TJP2: variants seen among roughly 807,000 people sequenced by gnomAD.
TJP2 encodes Friedreich ataxia region gene X104 (tight junction protein ZO-2).
Under a neutral mutation model 133.1 loss-of-function variants are expected in TJP2, and 91 were observed. The ratio of observed to expected loss-of-function variants is 0.68; its 90% CI spans 0.58 to 0.81. TJP2 has a LOEUF of 0.81. TJP2 is among the 40% of genes least tolerant of loss of function. The pLI is 0.00. For missense variants in TJP2, 1,541 were observed against 1,565.6 expected, an observed-to-expected ratio of 0.98 and a Z score of 0.26; for synonymous variants, 592 against 583.4, an observed-to-expected ratio of 1.01 and a Z score of -0.21.
At chr9:69,249,786 G>A in intron 20 of TJP2, 1 of 978,612 alleles carries the variant, frequency 1.0e-6, no homozygotes. Flanking sequence ...ATACTGTACT[G>A]TATACCCAGA....
intron 1 of TJP2, among the ~76,000 whole-genome samples, chr9:69,186,476 G>A (rs12685829): frequency 0.066 from 10,104 of 152,278 alleles, 448 homozygotes; most frequent in East Asian, 0.22. Flanking sequence ...GTAAATGAAT[G>A]TGCTAGAAAT....
intron 12 of TJP2, among the ~76,000 whole-genome samples, chr9:69,235,501 T>C (rs1830119232): frequency 6.6e-6 from 1 of 151,760 alleles, no homozygotes; most frequent in Admixed American, 6.6e-5. Context: ...TTTTTGTATT[T>C]TTAGTAGAGA....
At chr9:69,183,671 A>C (rs979133253) in intron 1 of TJP2, among the ~76,000 whole-genome samples, 2 of 152,156 alleles carry the variant, frequency 1.3e-5, no homozygotes, top group Admixed American at 6.6e-5. Flanking sequence ...GGACATGTAC[A>C]CCCATTTCTC....
intron 2 of TJP2, among the ~76,000 whole-genome samples, chr9:69,164,979 A>G (rs888461667): frequency 6.6e-6 from 1 of 152,118 alleles, no homozygotes; most frequent in Non-Finnish European, 1.5e-5. Flanking sequence ...ACAGGCGCCC[A>G]TCATTACGCC....
chr9:69,241,819 A>G (rs188781462), intron 17 of TJP2, among the ~76,000 whole-genome samples: 75 of 152,274 alleles, frequency 4.9e-4, no homozygotes, highest in African/African-American at 1.5e-3. Flanking sequence ...CCCAGACTAA[A>G]CTATAGCGTC....
chr9:69,131,339 C>T (rs1304684484), intron 1 of TJP2, among the ~76,000 whole-genome samples: 1 of 152,120 alleles, frequency 6.6e-6, no homozygotes, highest in East Asian at 1.9e-4. Context: ...TTTTGACAGT[C>T]CACGTTGTGA....
chr9:69,252,703 T>TG, intron 21 of TJP2, 112 bp from the exon 22 acceptor site: 1 of 1,006,640 alleles, frequency 9.9e-7, no homozygotes, highest in East Asian at 2.6e-5. Context: ...TGAAATGGGA[T>TG]GGGAAAATAA....
Position 69,227,871 on chromosome 9 carries a change from A to C in TJP2, c.1317A>C (p.Pro439=). Residue 439 remains proline, a splice_region_variant and synonymous_variant, in exon 8 of 23, where the codon CCA becomes CCC. Transcript: ENST00000377245. ...CAAGTGAGAAGCTGAAGGAAAGGCC[A>C]AGGTAAGATGACATGAATATTCTCT... ...HSSSEKLKER[P]SSREDTPSRL... The C allele has an allele frequency of 6.2e-7, 1 of 1,613,420 alleles. No individual in the cohort carries two copies. Among genetic ancestry groups the C allele is most frequent in the South Asian group, 1.1e-5 (1 of 91,056 alleles).
intron 1 of TJP2, among the ~76,000 whole-genome samples, chr9:69,184,271 C>T (rs78590456): frequency 5.9e-5 from 9 of 152,192 alleles, no homozygotes; most frequent in Admixed American, 1.3e-4. Flanking sequence ...AGGCGAGATG[C>T]GCAAAAAATG....
chr9:69,171,789 A>ATTTTTTTT (rs34717893), upstream of TJP2, among the ~76,000 whole-genome samples: 17 of 86,758 alleles, frequency 2.0e-4, no homozygotes, highest in Non-Finnish European at 2.7e-4. Flanking sequence ...GAGTAGAAGA[A>ATTTTTTTT]TTTTTTTTTT....
chr9:69,139,523 T>C (rs1822922346), intron 1 of TJP2, among the ~76,000 whole-genome samples: 1 of 152,096 alleles, frequency 6.6e-6, no homozygotes, highest in South Asian at 2.1e-4. Context: ...CTGGAGCAGC[T>C]CCTTCCCTCA....
At chr9:69,211,847 C>T (rs1337091007) in intron 1 of TJP2, among the ~76,000 whole-genome samples, 1 of 152,184 alleles carries the variant, frequency 6.6e-6, no homozygotes, top group Non-Finnish European at 1.5e-5. Context: ...CCCCAGCCTC[C>T]TCTAAATGCC....
intron 2 of TJP2, among the ~76,000 whole-genome samples, chr9:69,164,075 G>A (rs975548655): frequency 2.6e-5 from 4 of 152,132 alleles, no homozygotes; most frequent in Non-Finnish European, 5.9e-5. Context: ...TAAATTTTAT[G>A]AGCCACGTTT....
intron 1 of TJP2, among the ~76,000 whole-genome samples, chr9:69,134,236 A>G (rs1027699975): frequency 3.3e-5 from 5 of 152,190 alleles, no homozygotes; most frequent in Admixed American, 3.3e-4. Context: ...TGGAACACCC[A>G]ACGTGAAATG....
rs1461192304 is a variant in TJP2, at chr9:69,230,118, C to T, written c.1557C>T (p.Asp519=). The change falls in exon 11 of 23, where the codon GAC becomes GAT. Residue 519 remains aspartate, a synonymous_variant. Transcript: ENST00000377245. ...AAATGGTAAGGTTCAAGAAGGGAGACAGCGTGGGCCTCCGGTTGGCTGGTG... is the reference window on the plus strand; with the variant it reads ...AAATGGTAAGGTTCAAGAAGGGAGATAGCGTGGGCCTCCGGTTGGCTGGTG... The part of the protein sequence containing the change: ...NTKMVRFKKG[D]SVGLRLAGGN... 11 of 1,614,078 alleles carry T rather than the reference C, an allele frequency of 6.8e-6. No homozygotes were observed. Among genetic ancestry groups the T allele is most frequent in the Non-Finnish European group, 8.5e-6 (10 of 1,180,030 alleles).
chr9:69,221,012 C>T lies in TJP2; in HGVS notation c.468C>T (p.Ser156=), dbSNP rs1427875658. 6 of 1,610,460 alleles carry T rather than the reference C, an allele frequency of 3.7e-6. No individual in the cohort carries two copies. The highest frequency in any genetic ancestry group is 1.3e-5 in the African/African-American group (1 of 75,020). The change falls in exon 5 of 23, where the codon AGC becomes AGT. Residue 156 remains serine (S), a synonymous_variant. Transcript: ENST00000377245. The stretch of plus-strand genomic sequence containing the variant: ...GCAGAAGTTTCCGGAGTGGCTACAG[C>T]GAGAGGAGCCGGCTGAACAGCCATG... ...FDGRSFRSGY[S]ERSRLNSHGG... is the part of the protein sequence containing the mutation.
intron 11 of TJP2, among the ~76,000 whole-genome samples, chr9:69,232,158 C>T (rs904055232): frequency 5.3e-5 from 8 of 152,140 alleles, no homozygotes; most frequent in African/African-American, 9.7e-5. Flanking sequence ...CCTGGCAACA[C>T]GGAAGGAACT....
upstream of TJP2, among the ~76,000 whole-genome samples, chr9:69,171,377 A>G (rs1334741258): frequency 1.3e-5 from 2 of 151,866 alleles, no homozygotes; most frequent in African/African-American, 4.8e-5. Flanking sequence ...TCTTACTAAC[A>G]TTCTCCTCCC....
chr9:69,251,452 T>C (rs1180683154), intron 21 of TJP2, 88 bp downstream of exon 21: 3 of 1,391,602 alleles, frequency 2.2e-6, no homozygotes, highest in Non-Finnish European at 3.0e-6. Context: ...TTGCTGCTGC[T>C]GCAGATGTGG....
Sources: allele counts gnomAD v4.1 joint callset (sites outside exome capture counted in the v4.1 genomes callset), GRCh38; gene constraint gnomAD v4.1.1; transcripts MANE v1.5; gene names NCBI Gene and HGNC (gene_info 2026-07-23, HGNC 2026-07-21).